The following KIT variants were observed in gnomAD, a reference collection of about 807,000 sequenced individuals.
The protein encoded by KIT is mast/stem cell growth factor receptor Kit.
KIT carries 16 observed loss-of-function variants against 105.7 expected under a neutral mutation model. The ratio of observed to expected loss-of-function variants is 0.15; its 90% CI spans 0.10 to 0.23. The LOEUF (loss-of-function observed/expected upper bound fraction) is 0.23. KIT is among the 10% of genes least tolerant of loss of function. The probability of loss-of-function intolerance (pLI) is 1.00; values close to 1 mark genes in which losing one functional copy is unlikely to be tolerated. For missense variants in KIT, 858 were observed against 1,213.8 expected (o/e 0.71, Z 4.36); for synonymous variants, 438 against 441.1 (o/e 0.99, Z 0.09).
At chr4:54,737,949 C>T (rs1184477647) in intron 20 of KIT, among the ~76,000 whole-genome samples, 1 of 152,152 alleles carries the variant, frequency 6.6e-6, no homozygotes, top group Non-Finnish European at 1.5e-5. Context: ...TTCCTAATAG[C>T]ACACCACTGA....
intron 11 of KIT, 74 bp downstream of exon 11, chr4:54,727,616 G>A: frequency 1.3e-6 from 2 of 1,579,554 alleles, no homozygotes; most frequent in Non-Finnish European, 1.7e-6. Flanking sequence ...AACTCCAGTG[G>A]CTTCCTTTGT....
At chr4:54,682,128 C>A (rs1480935018) in intron 1 of KIT, among the ~76,000 whole-genome samples, 1 of 130,034 alleles carries the variant, frequency 7.7e-6, no homozygotes, top group Non-Finnish European at 1.6e-5. Flanking sequence ...CTCTCTTTGT[C>A]TCCCAGGCTG....
At chr4:54,713,198 T>G (rs947276672) in intron 7 of KIT, among the ~76,000 whole-genome samples, 4 of 152,142 alleles carry the variant, frequency 2.6e-5, no homozygotes, top group African/African-American at 9.7e-5. Context: ...TCTGAGATTT[T>G]GGTGCACCTG....
chr4:54,674,341 C>CTA (rs1163496661), intron 1 of KIT, among the ~76,000 whole-genome samples: 1 of 152,228 alleles, frequency 6.6e-6, no homozygotes, highest in Non-Finnish European at 1.5e-5. Flanking sequence ...TCCGCACTCA[C>CTA]TAATTAAACT....
At chr4:54,729,524 C>A (rs1722457102) in intron 14 of KIT, 39 bp downstream of exon 14, 3 of 1,602,394 alleles carry the variant, frequency 1.9e-6, no homozygotes, top group Non-Finnish European at 2.6e-6. Context: ...TGTTGACAGG[C>A]AGTTCATGGG....
chr4:54,699,697 C>A lies in KIT; in HGVS notation c.687C>A (p.Phe229Leu). Residue 229 changes from phenylalanine to leucine, a missense_variant, in exon 4 of 21, where the codon TTC becomes TTA. This residue lies in a region of KIT where 401 missense variants were observed against 601.0 expected (regional missense o/e 0.67). Coordinates refer to ENST00000288135, the MANE Select transcript of KIT (RefSeq NM_000222.3). The part of the protein sequence containing the change: ...ASYLLREGEE[F>L]TVTCTIKDVS... ...ATCTTCTTAGGGAAGGGGAAGAATT[C>A]ACAGTGACGTGCACAATAAAAGATG... 6.2e-7 allele frequency: 1 copy of A among 1,613,950 alleles called. No homozygotes were observed. Among genetic ancestry groups the A allele is most frequent in the Non-Finnish European group, 8.5e-7 (1 of 1,179,884 alleles).
At chr4:54,660,175 A>G (rs1016517408) in intron 1 of KIT, among the ~76,000 whole-genome samples, 1 of 152,174 alleles carries the variant, frequency 6.6e-6, no homozygotes, top group Non-Finnish European at 1.5e-5. Context: ...CAGGGAAGTC[A>G]TAGAGTATGG....
chr4:54,733,355 T>G, intron 17 of KIT, 163 bp downstream of exon 17: 1 of 663,378 alleles, frequency 1.5e-6, no homozygotes, highest in Admixed American at 2.2e-5. Context: ...CATGGTATGC[T>G]GAACATTACT....
At chr4:54,701,806 G>C (rs17084653) in intron 4 of KIT, among the ~76,000 whole-genome samples, 2,758 of 152,290 alleles carry the variant, frequency 0.018, 71 homozygotes, top group African/African-American at 0.06. Context: ...GTGAAACTAT[G>C]AACTGGGAAA....
intron 17 of KIT, 38 bp downstream of exon 17, chr4:54,733,230 A>C (rs1320652123): frequency 6.2e-7 from 1 of 1,605,414 alleles, no homozygotes; most frequent in East Asian, 2.2e-5. Flanking sequence ...CCTGCAAAGG[A>C]TTTTTAGTTT....
At chr4:54,678,528 A>C (rs1319834398) in intron 1 of KIT, among the ~76,000 whole-genome samples, 1 of 152,046 alleles carries the variant, frequency 6.6e-6, no homozygotes, top group Non-Finnish European at 1.5e-5. Flanking sequence ...GAAGATGGAG[A>C]TTCTGACCTA....
At chr4:54,706,117 G>A (rs1331892684) in intron 5 of KIT, among the ~76,000 whole-genome samples, 1 of 151,496 alleles carries the variant, frequency 6.6e-6, no homozygotes, top group East Asian at 1.9e-4. Context: ...TATTATAATA[G>A]CTTATAATAG....
chr4:54,699,609 C>T (rs748389643), intron 3 of KIT, 21 bp from the exon 4 acceptor site: 4 of 1,613,368 alleles, frequency 2.5e-6, no homozygotes, highest in Non-Finnish European at 2.5e-6. Context: ...ATTTGAGGGG[C>T]CACATTTCTT....
intron 8 of KIT, among the ~76,000 whole-genome samples, chr4:54,724,415 A>G (rs1443991089): frequency 1.3e-5 from 2 of 152,170 alleles, no homozygotes; most frequent in African/African-American, 4.8e-5. Flanking sequence ...TATCACAACA[A>G]GTTGGAAGGG....
intron 1 of KIT, among the ~76,000 whole-genome samples, chr4:54,679,925 G>A (rs1302722831): frequency 2.0e-5 from 3 of 152,186 alleles, no homozygotes; most frequent in African/African-American, 7.2e-5. Flanking sequence ...AGGACAAATA[G>A]TGTGTGATTC....
intron 7 of KIT, 190 bp downstream of exon 7, chr4:54,709,729 C>G: frequency 1.5e-6 from 1 of 664,258 alleles, no homozygotes; most frequent in Non-Finnish European, 2.7e-6. Context: ...CTACATTTCA[C>G]TGATCACATG....
In KIT at chr4:54,738,838, G is replaced by T; in HGVS notation, c.*281G>T. The T allele has an allele frequency of 1.7e-6, 1 of 600,072 alleles. No individual in the cohort carries two copies. Among genetic ancestry groups the T allele is most frequent in the Non-Finnish European group, 3.0e-6 (1 of 337,656 alleles). The allele number at this position is 600,072 out of a possible 1,614,324, so 37.2% of individuals were successfully genotyped here. A position where few individuals can be genotyped will look rare whatever the true frequency, so the allele number is the denominator to read the frequency against. On this transcript the variant is annotated 3_prime_UTR_variant, in exon 21 of 21. Transcript: ENST00000288135. Reference sequence around the variant, plus strand: ...AAAGAGAGGGAGGTATGGACTGGGGGCCAGAGTCCTTTCCAAGGCTTCTCC... The same window carrying T: ...AAAGAGAGGGAGGTATGGACTGGGGTCCAGAGTCCTTTCCAAGGCTTCTCC...
chr4:54,694,341 C>T (rs1719911327), intron 1 of KIT, among the ~76,000 whole-genome samples: 1 of 152,114 alleles, frequency 6.6e-6, no homozygotes, highest in South Asian at 2.1e-4. Context: ...CTATGTTTTA[C>T]TTCAGTACTT....
chr4:54,695,794 C>T lies in KIT; in HGVS notation c.337+13C>T, dbSNP rs2109663315. On this transcript the variant is annotated intron_variant, in intron 2 of 20. Coordinates refer to ENST00000288135, the MANE Select transcript of KIT (RefSeq NM_000222.3). The stretch of plus-strand genomic sequence containing the variant: ...GTGTTTGTTAGAGGTAAATGCTTGG[C>T]TTTCTGCAGTGCTGTGCTTTCAAGA... The T allele has an allele frequency of 1.2e-6, 2 of 1,614,174 alleles. No individual in the cohort carries two copies. The highest frequency in any genetic ancestry group is 1.3e-5 in the African/African-American group (1 of 75,054).
Sources: gnomAD v4.1 joint callset for allele counts (sites outside exome capture counted in the v4.1 genomes callset) on GRCh38, gnomAD v4.1.1 for gene constraint, gnomAD v4.1.1 regional missense constraint, MANE v1.5 for transcripts, NCBI Gene and HGNC (gene_info 2026-07-23, HGNC 2026-07-21) for gene names.